The following MEGF9 variants were observed in gnomAD, a reference collection of about 807,000 sequenced individuals.
MEGF9 encodes multiple epidermal growth factor-like domains protein 9.
Under a neutral mutation model 46.8 loss-of-function variants are expected in MEGF9, and 6 were observed. The observed-to-expected ratio is 0.13, with a 90% CI of 0.07 to 0.25. The LOEUF (loss-of-function observed/expected upper bound fraction) is 0.25, where lower values mean the gene tolerates loss of function less well. Ranked by LOEUF, MEGF9 falls within the 10% of genes least tolerant of loss-of-function variation. The probability of loss-of-function intolerance (pLI) is 1.00; values close to 1 mark genes in which losing one functional copy is unlikely to be tolerated. For missense variants in MEGF9, 683 were observed against 792.4 expected, an observed-to-expected ratio of 0.86 and a Z score of 1.66; for synonymous variants, 302 against 330.7, an observed-to-expected ratio of 0.91 and a Z score of 0.94.
chr9:120,605,357 C>A lies in MEGF9; in HGVS notation c.1642G>T (p.Ala548Ser), dbSNP rs761604118. The part of the protein sequence containing the change: ...YREYQNRKLN[A>S]PFWTIELKED... Reference sequence around the variant, plus strand: ...TTCAGCTCGATGGTCCAAAAGGGGGCATTGAGTTTCCGGTTTTGGTACTCG... The same window carrying A: ...TTCAGCTCGATGGTCCAAAAGGGGGAATTGAGTTTCCGGTTTTGGTACTCG... The change falls in exon 6 of 6, where the codon GCC becomes TCC. Residue 548 changes from alanine to serine, a missense_variant. By Grantham distance (99) the Ala-to-Ser change is moderately conservative (BLOSUM62 1). This residue lies in a region of MEGF9 where 313 missense variants were observed against 421.1 expected (regional missense o/e 0.74). Transcript: ENST00000373930. This position sits in a 1 kb window ranked among gnomAD's most constrained non-coding sequence, Gnocchi z 4.0. The A allele has an allele frequency of 6.2e-7, 1 of 1,613,880 alleles. No homozygotes were observed. The highest frequency in any genetic ancestry group is 8.5e-7 in the Non-Finnish European group (1 of 1,179,894).
chr9:120,709,718 A>T (rs552773641), intron 1 of MEGF9, among the ~76,000 whole-genome samples: 1 of 152,346 alleles, frequency 6.6e-6, no homozygotes, highest in Non-Finnish European at 1.5e-5. Flanking sequence ...TGGCATTTAA[A>T]GTCCTATCTA....
intron 1 of MEGF9, among the ~76,000 whole-genome samples, chr9:120,672,433 A>AAAAAAAATAAAT (rs2043753652): frequency 6.9e-6 from 1 of 144,764 alleles, no homozygotes; most frequent in African/African-American, 2.7e-5. Flanking sequence ...TCTCTACAGA[A>AAAAAAAATAAAT]AAATAAATAA....
chr9:120,618,195 T>G (rs1265860555), intron 3 of MEGF9, among the ~76,000 whole-genome samples: 1 of 152,108 alleles, frequency 6.6e-6, no homozygotes, highest in Non-Finnish European at 1.5e-5. Context: ...ATGAGACCAC[T>G]TAGGGAGAAA....
intron 1 of MEGF9, among the ~76,000 whole-genome samples, chr9:120,700,782 C>G (rs1456692311): frequency 3.9e-5 from 6 of 152,056 alleles, no homozygotes; most frequent in Admixed American, 6.6e-5. Flanking sequence ...GAAATTTCAT[C>G]TTTAAAGACC....
Position 120,603,041 on chromosome 9 carries a change from T to G in MEGF9, c.*2149A>C, listed in dbSNP as rs2043404578. 6.6e-6 allele frequency: 1 copy of G among 152,146 alleles called. No individual in the cohort carries two copies. The highest frequency in any genetic ancestry group is 2.4e-5 in the African/African-American group (1 of 41,412). The allele number at this position is 152,146 out of a possible 1,614,324, so 9.4% of individuals were successfully genotyped here. A position where few individuals can be genotyped will look rare whatever the true frequency, so the allele number is the denominator to read the frequency against. On this transcript the variant is annotated 3_prime_UTR_variant, in exon 6 of 6. Coordinates refer to ENST00000373930, the MANE Select transcript of MEGF9 (RefSeq NM_001080497.3). Reference sequence around the variant, plus strand: ...GATTGCTCCTGATATTTAAAAAAAATTAAAAACATCCACAAGTAGAACTCT... The same window carrying G: ...GATTGCTCCTGATATTTAAAAAAAAGTAAAAACATCCACAAGTAGAACTCT...
intron 2 of MEGF9, among the ~76,000 whole-genome samples, chr9:120,644,157 T>C (rs539963307): frequency 1.3e-5 from 2 of 152,352 alleles, no homozygotes; most frequent in East Asian, 3.9e-4. Flanking sequence ...TCTAGGATAT[T>C]GTCTCGCATT....
At chr9:120,713,544 C>A (rs1010444663) in intron 1 of MEGF9, among the ~76,000 whole-genome samples, 5 of 152,212 alleles carry the variant, frequency 3.3e-5, no homozygotes, top group Non-Finnish European at 5.9e-5. Context: ...GCAGCCACCC[C>A]CTCCCGAGGG....
rs915961694 is a variant in MEGF9 at position 120,601,651 on chromosome 9, T to C, written c.*3539A>G. On this transcript the variant is annotated 3_prime_UTR_variant, in exon 6 of 6. Transcript: ENST00000373930. ...TCTACTCTTAAAATCTAGGTATCAC[T>C]GGGAAGAGTAACGCACTAGGCCCAC... The C allele has an allele frequency of 6.6e-6, 1 of 152,228 alleles. No individual in the cohort carries two copies. Among genetic ancestry groups the C allele is most frequent in the Non-Finnish European group, 1.5e-5 (1 of 68,042 alleles). The allele number at this position is 152,228 out of a possible 1,614,324, so 9.4% of individuals were successfully genotyped here. A position where few individuals can be genotyped will look rare whatever the true frequency, so the allele number is the denominator to read the frequency against.
chr9:120,672,695 T>C (rs2043755424), intron 1 of MEGF9, among the ~76,000 whole-genome samples: 1 of 152,176 alleles, frequency 6.6e-6, no homozygotes, highest in South Asian at 2.1e-4. Flanking sequence ...AAAATGTTTA[T>C]TACAAAAATT....
intron 1 of MEGF9, among the ~76,000 whole-genome samples, chr9:120,678,225 G>A (rs1230467012): frequency 2.6e-5 from 4 of 152,116 alleles, no homozygotes; most frequent in Admixed American, 2.6e-4. Context: ...CCAAATCTTG[G>A]CTATTATGAA....
chr9:120,606,826 C>A (rs889972056), intron 5 of MEGF9, among the ~76,000 whole-genome samples: 10 of 151,994 alleles, frequency 6.6e-5, no homozygotes, highest in African/African-American at 2.4e-4. Flanking sequence ...TAATTCTTCA[C>A]CATGAAAGCC....
chr9:120,656,134 A>G (rs145507835), intron 2 of MEGF9, among the ~76,000 whole-genome samples: 1 of 152,330 alleles, frequency 6.6e-6, no homozygotes, highest in East Asian at 1.9e-4. Flanking sequence ...ATTTGTTCAA[A>G]TGGTTGAATG....
At position 120,682,764 on chromosome 9, in the gene MEGF9, G is replaced by C. The variant is rs546766423; in HGVS notation, c.602-23189C>G. ...TCCCCAGCTAATGTTTTTATTTTTT[G>C]TAGAGACAGGATCTTGCTATGTTAA... On this transcript the variant is annotated intron_variant, in intron 1 of 5. Coordinates refer to ENST00000373930, the MANE Select transcript of MEGF9 (RefSeq NM_001080497.3). Among the ~76,000 whole-genome samples the C allele has an allele frequency of 7.2e-5, 11 of 152,194 alleles. No homozygotes were observed. In the East Asian group the frequency reaches 2.1e-3, roughly 29 times the overall value.
chr9:120,685,514 A>G (rs1439550411), intron 1 of MEGF9, among the ~76,000 whole-genome samples: 1 of 152,328 alleles, frequency 6.6e-6, no homozygotes, highest in East Asian at 1.9e-4. Context: ...TGGCTAAATG[A>G]TATCTATTTC....
intron 1 of MEGF9, among the ~76,000 whole-genome samples, chr9:120,710,028 G>A (rs112478371): frequency 0.033 from 3,047 of 91,852 alleles, 124 homozygotes; most frequent in African/African-American, 0.11. Flanking sequence ...GCGAAACTCC[G>A]TCTCAAAAAA....
rs2043417595 is a variant in MEGF9 at position 120,605,673 on chromosome 9, AG to A, written c.1358-33del. On this transcript the variant is annotated intron_variant, in intron 5 of 5. Coordinates refer to ENST00000373930, the MANE Select transcript of MEGF9 (RefSeq NM_001080497.3). This position sits in a 1 kb window ranked among gnomAD's most constrained non-coding sequence, Gnocchi z 4.0. ...ATAAAAACAGAGAATGAAATGTAAA[AG>A]ACAAAATTATCTAGTTTTGAGAAAC... 6.9e-7 allele frequency: 1 copy of A among 1,445,102 alleles called. No individual in the cohort carries two copies. The highest frequency in any genetic ancestry group is 1.3e-5 in the South Asian group (1 of 74,534). The allele number at this position is 1,445,102 out of a possible 1,614,324, so 89.5% of individuals were successfully genotyped here.
At chr9:120,615,266 T>C (rs938385251) in intron 3 of MEGF9, among the ~76,000 whole-genome samples, 22 of 146,946 alleles carry the variant, frequency 1.5e-4, no homozygotes, top group African/African-American at 5.5e-4. Flanking sequence ...AATAAATACA[T>C]ATATGTAAGC....
chr9:120,706,638 T>C (rs1378737434), intron 1 of MEGF9, among the ~76,000 whole-genome samples: 3 of 152,240 alleles, frequency 2.0e-5, no homozygotes, highest in South Asian at 4.2e-4. Flanking sequence ...AGTTCGAGAC[T>C]AGCCTGGGCA....
intron 2 of MEGF9, among the ~76,000 whole-genome samples, chr9:120,643,359 T>TAGA (rs1455461494): frequency 6.6e-6 from 1 of 152,208 alleles, no homozygotes; most frequent in African/African-American, 2.4e-5. Flanking sequence ...ACATGAGTCT[T>TAGA]AGAAGCTATT....
Sources: allele counts gnomAD v4.1 joint callset (sites outside exome capture counted in the v4.1 genomes callset), GRCh38; gene constraint gnomAD v4.1.1; regional missense constraint gnomAD v4.1.1; non-coding constraint Gnocchi (gnomAD v3.1); transcripts MANE v1.5; gene names NCBI Gene and HGNC (gene_info 2026-07-23, HGNC 2026-07-21).